The following ENOX1 variants were observed in gnomAD, a reference collection of about 807,000 sequenced individuals.
ENOX1 encodes candidate growth-related and time keeping constitutive hydroquinone (NADH) oxidase.
In ENOX1, 42 loss-of-function variants were observed where a neutral mutation model predicts 82.5. The ratio of observed to expected loss-of-function variants is 0.51; its 90% confidence interval spans 0.40 to 0.66. The LOEUF is 0.66. Among genes scored for constraint, ENOX1 ranks in the 30% least tolerant of loss-of-function variants. The probability of loss-of-function intolerance (pLI) is 0.00; values close to 1 mark genes in which losing one functional copy is unlikely to be tolerated. For missense variants in ENOX1, 608 were observed against 811.6 expected, an observed-to-expected ratio of 0.75 and a Z score of 3.05; for synonymous variants, 271 against 282.2, an observed-to-expected ratio of 0.96 and a Z score of 0.40.
At chr13:43,514,857 A>G (rs2077500326) in intron 2 of ENOX1, among the ~76,000 whole-genome samples, 1 of 6,802 alleles carries the variant, frequency 1.5e-4, no homozygotes, top group African/African-American at 1.6e-4. Context: ...TTCTATGGAG[A>G]AAAGCAGCTA....
chr13:43,389,640 G>A (rs920098367), intron 5 of ENOX1, among the ~76,000 whole-genome samples: 2 of 152,110 alleles, frequency 1.3e-5, no homozygotes, highest in African/African-American at 4.8e-5. Context: ...AAGAAAGAAA[G>A]ATAGATATTA....
intron 1 of ENOX1, among the ~76,000 whole-genome samples, chr13:43,779,423 T>C (rs1952117288): frequency 6.6e-6 from 1 of 152,124 alleles, no homozygotes; most frequent in Non-Finnish European, 1.5e-5. Context: ...CTGAGGTCTA[T>C]TCCTGAGGCC....
chr13:43,764,859 A>T (rs1471723338), intron 1 of ENOX1, among the ~76,000 whole-genome samples: 4 of 152,226 alleles, frequency 2.6e-5, no homozygotes, highest in Non-Finnish European at 5.9e-5. Flanking sequence ...TCTCCTTCAA[A>T]ATAATTACTA....
At chr13:43,708,444 C>T (rs1339900550) in intron 1 of ENOX1, among the ~76,000 whole-genome samples, 1 of 152,112 alleles carries the variant, frequency 6.6e-6, no homozygotes, top group Non-Finnish European at 1.5e-5. Context: ...ACTTTACTTC[C>T]TTTTGTTCCT....
intron 9 of ENOX1, among the ~76,000 whole-genome samples, chr13:43,338,686 T>TG (rs2048863178): frequency 7.4e-6 from 1 of 134,346 alleles, no homozygotes; most frequent in Admixed American, 7.3e-5. Flanking sequence ...GTTTTTTTTT[T>TG]TTTTTTTTTT....
intron 1 of ENOX1, among the ~76,000 whole-genome samples, chr13:43,674,834 T>A (rs950904340): frequency 1.3e-5 from 2 of 152,112 alleles, no homozygotes; most frequent in East Asian, 1.9e-4. Context: ...TGCATGTGGG[T>A]TGTGGGGAGC....
At chr13:43,704,719 G>A (rs2087140562) in intron 1 of ENOX1, among the ~76,000 whole-genome samples, 2 of 152,164 alleles carry the variant, frequency 1.3e-5, no homozygotes, top group Admixed American at 1.3e-4. Flanking sequence ...GTACATGCAT[G>A]CATGGGGCAA....
chr13:43,369,688 C>T (rs965105427), intron 5 of ENOX1, among the ~76,000 whole-genome samples: 1 of 152,236 alleles, frequency 6.6e-6, no homozygotes, highest in Non-Finnish European at 1.5e-5. Flanking sequence ...TCTTAGTTCT[C>T]CTCCTGTCTT....
chr13:43,731,205 C>A (rs1249958565), intron 1 of ENOX1, among the ~76,000 whole-genome samples: 4 of 152,152 alleles, frequency 2.6e-5, no homozygotes, highest in Non-Finnish European at 5.9e-5. Context: ...GTAATTACAT[C>A]AATTTGCCAT....
intron 1 of ENOX1, among the ~76,000 whole-genome samples, chr13:43,771,160 T>C (rs1251459911): frequency 3.3e-5 from 5 of 152,116 alleles, no homozygotes; most frequent in Non-Finnish European, 7.4e-5. Context: ...GAACACTTCT[T>C]ATCCCAAAAA....
intron 2 of ENOX1, among the ~76,000 whole-genome samples, chr13:43,633,940 G>A (rs957789744): frequency 2.6e-5 from 4 of 151,968 alleles, no homozygotes; most frequent in African/African-American, 9.7e-5. Context: ...TAATGAGTAA[G>A]TGAAAATTTA....
chr13:43,453,301 T>C (rs578004028), intron 3 of ENOX1, among the ~76,000 whole-genome samples: 2 of 152,330 alleles, frequency 1.3e-5, no homozygotes, highest in East Asian at 1.9e-4. Flanking sequence ...AAGGAAGTAC[T>C]AGCAAACTTT....
intron 2 of ENOX1, among the ~76,000 whole-genome samples, chr13:43,508,125 C>T (rs535063488): frequency 1.3e-5 from 2 of 152,100 alleles, no homozygotes; most frequent in Non-Finnish European, 2.9e-5. Context: ...ACTCAATCCT[C>T]ATTGTGCTGT....
intron 2 of ENOX1, among the ~76,000 whole-genome samples, chr13:43,552,079 C>T (rs547955074): frequency 2.4e-4 from 36 of 152,226 alleles, no homozygotes; most frequent in Middle Eastern, 6.8e-3. Flanking sequence ...CGCCCTGTCA[C>T]TCTGAGAGGT....
At chr13:43,768,985 T>C (rs1951440484) in intron 1 of ENOX1, among the ~76,000 whole-genome samples, 2 of 152,174 alleles carry the variant, frequency 1.3e-5, no homozygotes, top group African/African-American at 4.8e-5. Flanking sequence ...TCAGTGAAAA[T>C]AAAATAAACA....
chr13:43,378,211 C>T (rs2051778123), intron 5 of ENOX1, among the ~76,000 whole-genome samples: 1 of 152,182 alleles, frequency 6.6e-6, no homozygotes, highest in African/African-American at 2.4e-5. Flanking sequence ...ATGATTGCCC[C>T]AGCTTATTGC....
Position 43,725,927 on chromosome 13 carries a change from A to T in ENOX1, c.-284-58383T>A, listed in dbSNP as rs918939338. On this transcript the variant is annotated intron_variant, in intron 1 of 16. Transcript: ENST00000690772. ...GGCTGCAGTGAGCTGAGATTATGCC[A>T]CTGCACTCCAGCCTGGACAACAGAA... is the stretch of plus-strand genomic sequence containing the variant. Among the ~76,000 whole-genome samples, 23 of 151,852 alleles carry T rather than the reference A, an allele frequency of 1.5e-4. 1 individual carries two copies. Among genetic ancestry groups the T allele is most frequent in the Admixed American group, 1.4e-3 (22 of 15,254 alleles).
intron 3 of ENOX1, among the ~76,000 whole-genome samples, chr13:43,453,711 T>C (rs935157550): frequency 6.6e-6 from 1 of 152,120 alleles, no homozygotes; most frequent in Non-Finnish European, 1.5e-5. Context: ...GGTAGGGAAG[T>C]GTTCAAGGGA....
intron 2 of ENOX1, among the ~76,000 whole-genome samples, chr13:43,579,111 T>C (rs2080583118): frequency 6.6e-6 from 1 of 152,030 alleles, no homozygotes; most frequent in African/African-American, 2.4e-5. Context: ...AGCTATGTCA[T>C]AGGGTTGCTT....
Sources: gnomAD v4.1 joint callset for allele counts (sites outside exome capture counted in the v4.1 genomes callset) on GRCh38, gnomAD v4.1.1 for gene constraint, MANE v1.5 for transcripts, NCBI Gene and HGNC (gene_info 2026-07-23, HGNC 2026-07-21) for gene names.